The following OSBP2 variants were observed in gnomAD, a reference collection of about 807,000 sequenced individuals.
The protein encoded by OSBP2 is oxysterol binding protein 2.
Under a neutral mutation model 96.0 loss-of-function variants are expected in OSBP2, and 66 were observed. The ratio of observed to expected loss-of-function variants is 0.69; its 90% CI spans 0.56 to 0.84. The LOEUF is 0.84. OSBP2 is among the 40% of genes least tolerant of loss of function. The pLI, the probability that OSBP2 is intolerant of heterozygous loss-of-function variation, is 0.00. For missense variants in OSBP2, 1,038 were observed against 1,222.7 expected, an observed-to-expected ratio of 0.85 and a Z score of 2.25; for synonymous variants, 525 against 520.9, an observed-to-expected ratio of 1.01 and a Z score of -0.11.
chr22:30,778,331 A>ACC (rs1555912368), intron 2 of OSBP2, among the ~76,000 whole-genome samples: 6 of 151,146 alleles, frequency 4.0e-5, no homozygotes, highest in Admixed American at 2.6e-4. Context: ...ACACACACAC[A>ACC]CACCCACTGA....
At chr22:30,888,746 G>A (rs543465502) in intron 5 of OSBP2, among the ~76,000 whole-genome samples, 12 of 152,150 alleles carry the variant, frequency 7.9e-5, no homozygotes, top group African/African-American at 2.7e-4. Flanking sequence ...ATAATCTATC[G>A]GTCTTGCTCC....
Position 30,736,333 on chromosome 22 carries a change from G to A in OSBP2, c.645-4828G>A, listed in dbSNP as rs140699820. 3.2e-3 allele frequency among the ~76,000 whole-genome samples: 482 copies of A among 152,154 alleles called. 2 individuals are homozygous for A. The highest frequency in any genetic ancestry group is 4.9e-3 in the Non-Finnish European group (333 of 67,996). On this transcript the variant is annotated intron_variant, in intron 1 of 13. Transcript: ENST00000332585. ...TCGACTGGGAGGTCTTCCCTCCCTC[G>A]CTCCCTCAGCCTCACCCACTCTTCT...
At chr22:30,886,571 A>C (rs950729965) in intron 3 of OSBP2, among the ~76,000 whole-genome samples, 1 of 152,198 alleles carries the variant, frequency 6.6e-6, no homozygotes, top group Non-Finnish European at 1.5e-5. Flanking sequence ...TTCCCCCACA[A>C]AGGACAGCTT....
chr22:30,871,426 G>C lies in OSBP2; in HGVS notation c.1107+744G>C, dbSNP rs2039456858. 1.3e-5 allele frequency among the ~76,000 whole-genome samples: 2 copies of C among 152,140 alleles called. No individual in the cohort carries two copies. Among genetic ancestry groups the C allele is most frequent in the African/African-American group, 4.8e-5 (2 of 41,428 alleles). ...TCCAGGCCTCCACCCTCCAGACACA[G>C]GTCTGACTGCAACAGCCTCCTCCCA... On this transcript the variant is annotated intron_variant, in intron 3 of 13. Transcript: ENST00000332585. The surrounding 1 kb of genome is among the most constrained non-coding windows in gnomAD (Gnocchi z 4.7).
intron 5 of OSBP2, among the ~76,000 whole-genome samples, chr22:30,888,593 T>C (rs2039869598): frequency 6.6e-6 from 1 of 152,082 alleles, no homozygotes; most frequent in African/African-American, 2.4e-5. Context: ...CCAGGCATGG[T>C]AGTGCAGGCC....
chr22:30,736,233 A>G (rs2089853379), intron 1 of OSBP2, among the ~76,000 whole-genome samples: 1 of 152,174 alleles, frequency 6.6e-6, no homozygotes, highest in Non-Finnish European at 1.5e-5. Context: ...TCATCTTCTA[A>G]GCATTGAATT....
intron 2 of OSBP2, among the ~76,000 whole-genome samples, chr22:30,834,061 T>A (rs1228939231): frequency 6.6e-6 from 1 of 152,158 alleles, no homozygotes; most frequent in East Asian, 1.9e-4. Context: ...AGTCCATTTT[T>A]TTTTTTGACA....
intron 1 of OSBP2, among the ~76,000 whole-genome samples, chr22:30,717,086 G>GTTTTTTTTTTTTTTTTT (rs144392805): frequency 1.0e-5 from 1 of 96,528 alleles, no homozygotes. Flanking sequence ...TAATTTTACT[G>GTTTTTTTTTTTTTTTTT]TTTTTGTGTG....
At chr22:30,801,986 AGAAT>A (rs136263) in intron 2 of OSBP2, among the ~76,000 whole-genome samples, 4 of 151,686 alleles carry the variant, frequency 2.6e-5, no homozygotes, top group African/African-American at 9.7e-5. Flanking sequence ...GTACATAAAT[AGAAT>A]GAATGAATGA....
In OSBP2 at chr22:30,832,084, C is replaced by G. The variant is rs1439499654; in HGVS notation, c.854-38345C>G. Among the ~76,000 whole-genome samples, 3 of 152,118 alleles carry G rather than the reference C, an allele frequency of 2.0e-5. No homozygotes were observed. The East Asian group carries it at 5.8e-4, about 29-fold the overall frequency. ...CAGGAAGCATCTCACTGTCCTGGGA[C>G]ATTCTGGGCACTTTTTCCAGTATGA... On this transcript the variant is annotated intron_variant, in intron 2 of 13. Transcript: ENST00000332585.
Position 30,746,623 on chromosome 22 carries a change from G to A in OSBP2, c.853+5254G>A, listed in dbSNP as rs560610037. Among the ~76,000 whole-genome samples, 4 of 151,350 alleles carry A rather than the reference G, an allele frequency of 2.6e-5. No individual in the cohort carries two copies. The East Asian group carries it at 7.8e-4, about 29-fold the overall frequency. The stretch of plus-strand genomic sequence containing the variant: ...TCCTGCCTCAGCCTCCCGAGTAGCT[G>A]GGATTACAGGCACCTACCACCACAC... On this transcript the variant is annotated intron_variant, in intron 2 of 13. Coordinates refer to ENST00000332585, the MANE Select transcript of OSBP2 (RefSeq NM_030758.4).
rs2040339468 is a variant in OSBP2 at position 30,906,441 on chromosome 22, C to T, written c.*102C>T. The T allele has an allele frequency of 7.5e-7, 1 of 1,332,324 alleles. No homozygotes were observed. Among genetic ancestry groups the T allele is most frequent in the African/African-American group, 1.5e-5 (1 of 65,898 alleles). The allele number at this position is 1,332,324 out of a possible 1,614,324, so 82.5% of individuals were successfully genotyped here. On this transcript the variant is annotated 3_prime_UTR_variant, in exon 14 of 14. Coordinates refer to ENST00000332585, the MANE Select transcript of OSBP2 (RefSeq NM_030758.4). The stretch of plus-strand genomic sequence containing the variant: ...AATGGTCTTTCTCCCAGCCCATTCC[C>T]AGCCCTTCCTATTTCCTTTCCTATT...
At chr22:30,726,016 G>C (rs1325226114) in intron 1 of OSBP2, among the ~76,000 whole-genome samples, 1 of 152,122 alleles carries the variant, frequency 6.6e-6, no homozygotes, top group African/African-American at 2.4e-5. Context: ...CTGGCCTCAA[G>C]TGATATGCCC....
At chr22:30,886,911 C>A (rs2039822116) in intron 3 of OSBP2, among the ~76,000 whole-genome samples, 1 of 152,152 alleles carries the variant, frequency 6.6e-6, no homozygotes. Context: ...CAAGGCGAGT[C>A]TGCTGTGCAA....
intron 2 of OSBP2, among the ~76,000 whole-genome samples, chr22:30,840,341 C>G (rs974404724): frequency 1.3e-5 from 2 of 150,388 alleles, no homozygotes; most frequent in African/African-American, 4.9e-5. Context: ...AAAAAGAAAG[C>G]TGAAACTGGA....
At chr22:30,714,434 A>G (rs993817150) in intron 1 of OSBP2, among the ~76,000 whole-genome samples, 1 of 152,028 alleles carries the variant, frequency 6.6e-6, no homozygotes, top group Non-Finnish European at 1.5e-5. Context: ...GTAGTAAAAA[A>G]CACATAACGT....
intron 12 of OSBP2, among the ~76,000 whole-genome samples, chr22:30,903,581 G>C (rs968600938): frequency 1.3e-5 from 2 of 152,240 alleles, no homozygotes; most frequent in Non-Finnish European, 2.9e-5. Flanking sequence ...TCGAGGCTGT[G>C]TCCCAATGAG....
rs569356855 is a variant in OSBP2, at chr22:30,820,774, G to A, written c.854-49655G>A. On this transcript the variant is annotated intron_variant, in intron 2 of 13. Coordinates refer to ENST00000332585, the MANE Select transcript of OSBP2 (RefSeq NM_030758.4). ...CCATCACTGTGGTGCTCTTCATTTTGCAGCCAGAAAACCAAGGCCCAGAAT... is the reference window on the plus strand; with the variant it reads ...CCATCACTGTGGTGCTCTTCATTTTACAGCCAGAAAACCAAGGCCCAGAAT... Among the ~76,000 whole-genome samples, 18 of 152,310 alleles carry A rather than the reference G, an allele frequency of 1.2e-4. No individual in the cohort carries two copies. In the South Asian group the frequency reaches 1.9e-3, roughly 16 times the overall value.
intron 3 of OSBP2, among the ~76,000 whole-genome samples, chr22:30,877,718 T>TCCTGCTGCTGTCCCTCCAGTC (rs2039614297): frequency 6.6e-6 from 1 of 152,190 alleles, no homozygotes; most frequent in Non-Finnish European, 1.5e-5. Context: ...GTGGGCTTGT[T>TCCTGCTGCTGTCCCTCCAGTC]CCTGCTGCTG....
Sources: gnomAD v4.1 joint callset for allele counts (sites outside exome capture counted in the v4.1 genomes callset) on GRCh38, gnomAD v4.1.1 for gene constraint, Gnocchi (gnomAD v3.1) non-coding constraint, MANE v1.5 for transcripts, NCBI Gene and HGNC (gene_info 2026-07-23, HGNC 2026-07-21) for gene names.